PUS10: variants seen among roughly 807,000 people sequenced by gnomAD.
The protein encoded by PUS10 is pseudouridine synthase 10, also known as tRNA pseudouridine synthase Pus10.
PUS10 carries 59 observed loss-of-function variants against 75.0 expected under a neutral mutation model. The ratio of observed to expected loss-of-function variants is 0.79; its 90% CI spans 0.64 to 0.98. PUS10 has a LOEUF of 0.98. Ranked by LOEUF, PUS10 falls within the 50% of genes least tolerant of loss-of-function variation. PUS10 has a pLI of 0.00. For synonymous variants in PUS10, 219 were observed against 211.6 expected (o/e 1.03, Z -0.30); for missense variants, 650 against 614.4 (o/e 1.06, Z -0.61).
intron 4 of PUS10, among the ~76,000 whole-genome samples, chr2:61,000,519 G>GT (rs1177700299): frequency 1.3e-5 from 2 of 152,216 alleles, no homozygotes; most frequent in Non-Finnish European, 2.9e-5. Flanking sequence ...TCTGGAGGCT[G>GT]TAAGTAGTAA....
chr2:60,969,228 G>C (rs1573429021), intron 5 of PUS10, among the ~76,000 whole-genome samples: 1 of 152,138 alleles, frequency 6.6e-6, no homozygotes. Context: ...TTCAACCATA[G>C]GTATTTTTTC....
chr2:61,012,867 A>AATAT (rs1559006783), intron 1 of PUS10, among the ~76,000 whole-genome samples: 4,097 of 27,654 alleles, frequency 0.15, 373 homozygotes, highest in African/African-American at 0.24. Flanking sequence ...AAAAAAAAAA[A>AATAT]ATATATATAT....
At chr2:60,975,770 CTTTTA>C (rs1350310053) in intron 4 of PUS10, among the ~76,000 whole-genome samples, 1 of 141,446 alleles carries the variant, frequency 7.1e-6, no homozygotes, top group Non-Finnish European at 1.5e-5. Context: ...TGTTTTTTTT[CTTTTA>C]TTTTGAGACA....
intron 4 of PUS10, among the ~76,000 whole-genome samples, chr2:60,997,906 G>C (rs1678587530): frequency 6.6e-6 from 1 of 152,144 alleles, no homozygotes; most frequent in African/African-American, 2.4e-5. Flanking sequence ...TACATGGTGG[G>C]TGAGAGAGAA....
intron 4 of PUS10, 43 bp from the exon 5 acceptor site, chr2:60,971,600 A>C: frequency 6.3e-7 from 1 of 1,582,320 alleles, no homozygotes; most frequent in South Asian, 1.1e-5. Context: ...AAAGGGGGAA[A>C]CATGTTCAGT....
At chr2:60,990,977 C>G (rs1337464260) in intron 4 of PUS10, among the ~76,000 whole-genome samples, 2 of 152,158 alleles carry the variant, frequency 1.3e-5, no homozygotes, top group African/African-American at 4.8e-5. Context: ...AACTCCTGGG[C>G]TCAAATGATC....
Position 60,948,118 on chromosome 2 carries a change from C to G in PUS10, c.1376G>C (p.Arg459Pro), listed in dbSNP as rs1418123922. 8.7e-6 allele frequency: 14 copies of G among 1,614,070 alleles called. No individual in the cohort carries two copies. Among genetic ancestry groups the G allele is most frequent in the Non-Finnish European group, 1.2e-5 (14 of 1,180,008 alleles). The change falls in exon 16 of 18, where the codon CGC becomes CCC. Residue 459 changes from arginine to proline, a missense_variant. Transcript: ENST00000316752. ...CTGTGTCTCCATGAAGTGAATGACG[C>G]GAGCTCGCACAGCCAGGGGCCTTCG... ...LHRRPLAVRARVIHFMETQYV... is the reference protein window; with the variant it reads ...LHRRPLAVRAPVIHFMETQYV...
intron 4 of PUS10, among the ~76,000 whole-genome samples, chr2:60,983,159 C>T (rs1302490667): frequency 6.6e-6 from 1 of 152,072 alleles, no homozygotes; most frequent in Non-Finnish European, 1.5e-5. Flanking sequence ...TCCCAAAGTG[C>T]TGGGATTACA....
intron 11 of PUS10, among the ~76,000 whole-genome samples, chr2:60,960,149 CAAAA>C (rs559273848): frequency 1.0e-4 from 9 of 88,270 alleles, no homozygotes; most frequent in Non-Finnish European, 1.6e-4. Context: ...CAGGCTCTCT[CAAAA>C]AAAAAAAAAA....
intron 11 of PUS10, among the ~76,000 whole-genome samples, chr2:60,959,828 A>C (rs913867701): frequency 4.6e-5 from 7 of 152,296 alleles, no homozygotes; most frequent in Middle Eastern, 3.4e-3. Flanking sequence ...GTAGTGATTA[A>C]CAAAATATAG....
intron 1 of PUS10, among the ~76,000 whole-genome samples, chr2:61,012,850 AAAAAAAAAAAAAAAAAAAT>A (rs1679697231): frequency 2.9e-5 from 3 of 101,910 alleles, no homozygotes; most frequent in South Asian, 2.7e-4. Flanking sequence ...AAAAAAAAAA[AAAAAAAAAAAAAAAAAAAT>A]ATATATATAT....
At chr2:60,944,273 T>C (rs999039805) in intron 17 of PUS10, 1 of 970,996 alleles carries the variant, frequency 1.0e-6, no homozygotes, top group African/African-American at 1.8e-5. Flanking sequence ...CCCAGAGCAC[T>C]TGAGAGAATT....
intron 3 of PUS10, among the ~76,000 whole-genome samples, chr2:61,006,953 T>G (rs180945162): frequency 1.3e-5 from 2 of 152,270 alleles, no homozygotes; most frequent in Admixed American, 1.3e-4. Context: ...ATAGCACTCT[T>G]GACAGAAAAA....
chr2:60,974,982 C>G (rs542278686), intron 4 of PUS10, among the ~76,000 whole-genome samples: 4 of 152,208 alleles, frequency 2.6e-5, no homozygotes, highest in Non-Finnish European at 5.9e-5. Flanking sequence ...CCAAGGATCC[C>G]GTAACACCAG....
At chr2:60,977,840 G>A (rs999199744) in intron 4 of PUS10, among the ~76,000 whole-genome samples, 4 of 152,138 alleles carry the variant, frequency 2.6e-5, no homozygotes, top group African/African-American at 4.8e-5. Flanking sequence ...TTCTCAAACC[G>A]TAAGAGGAAG....
intron 4 of PUS10, among the ~76,000 whole-genome samples, chr2:60,978,075 A>C (rs982806400): frequency 6.6e-6 from 1 of 152,200 alleles, no homozygotes; most frequent in Non-Finnish European, 1.5e-5. Context: ...TCCTCGGCTC[A>C]GTCTTGCAGG....
At chr2:60,998,019 G>A (rs376572611) in intron 4 of PUS10, among the ~76,000 whole-genome samples, 2 of 152,106 alleles carry the variant, frequency 1.3e-5, no homozygotes, top group Admixed American at 6.5e-5. Context: ...ATCAGAAAGC[G>A]GAGTTAATGA....
chr2:60,959,463 A>T lies in PUS10; in HGVS notation c.1000+929T>A, dbSNP rs147543927. ...TGGAGTGCAGTAGTGCGAGCTCAGC[A>T]CACTGCAACCTCTGCCTCCTGGGTT... On this transcript the variant is annotated intron_variant, in intron 11 of 17. Coordinates refer to ENST00000316752, the MANE Select transcript of PUS10 (RefSeq NM_144709.4). 6.7e-3 allele frequency among the ~76,000 whole-genome samples: 1,019 copies of T among 152,258 alleles called. 9 individuals are homozygous for T. Among genetic ancestry groups the T allele is most frequent in the African/African-American group, 0.023 (964 of 41,564 alleles).
intron 9 of PUS10, among the ~76,000 whole-genome samples, chr2:60,962,319 C>T (rs1159392690): frequency 6.6e-6 from 1 of 152,224 alleles, no homozygotes; most frequent in Non-Finnish European, 1.5e-5. Context: ...CGCCTGTAAT[C>T]CCAGCACTTT....
Sources: gnomAD v4.1 joint callset for allele counts (sites outside exome capture counted in the v4.1 genomes callset) on GRCh38, gnomAD v4.1.1 for gene constraint, MANE v1.5 for transcripts, NCBI Gene and HGNC (gene_info 2026-07-23, HGNC 2026-07-21) for gene names.